Variants in IRF2 observed in about 807,000 individuals in gnomAD.
The protein encoded by IRF2 is interferon regulatory factor 2.
Under a neutral mutation model 40.6 loss-of-function variants are expected in IRF2, and 15 were observed. That is an observed-to-expected ratio of 0.37 (90% CI 0.25 to 0.57). IRF2 has a LOEUF of 0.57. Ranked by LOEUF, IRF2 falls within the 20% of genes least tolerant of loss-of-function variation. The pLI, the probability that IRF2 is intolerant of heterozygous loss-of-function variation, is 0.77. For missense variants in IRF2, 317 were observed against 455.7 expected, an observed-to-expected ratio of 0.70 and a Z score of 2.77; for synonymous variants, 151 against 165.5, an observed-to-expected ratio of 0.91 and a Z score of 0.67.
At chr4:184,401,359 C>T (rs1277709053) in intron 6 of IRF2, among the ~76,000 whole-genome samples, 1 of 152,036 alleles carries the variant, frequency 6.6e-6, no homozygotes, top group Non-Finnish European at 1.5e-5. Flanking sequence ...AAAGGAAAGG[C>T]ACAAAAGAGG....
At chr4:184,407,941 C>T (rs1275991607) in intron 6 of IRF2, among the ~76,000 whole-genome samples, 2 of 151,558 alleles carry the variant, frequency 1.3e-5, no homozygotes, top group East Asian at 3.9e-4. Flanking sequence ...GTCACCCCAG[C>T]CTTCTTCCAC....
intron 1 of IRF2, among the ~76,000 whole-genome samples, chr4:184,440,089 G>T (rs367768872): frequency 6.6e-6 from 1 of 152,194 alleles, no homozygotes; most frequent in Non-Finnish European, 1.5e-5. Context: ...GCAAGAACAC[G>T]AATGGGAAAG....
intron 1 of IRF2, among the ~76,000 whole-genome samples, chr4:184,442,774 C>A (rs1285691352): frequency 2.0e-5 from 3 of 151,488 alleles, no homozygotes; most frequent in African/African-American, 4.9e-5. Context: ...GTACAAAAAC[C>A]CTGTGCCCCA....
intron 1 of IRF2, among the ~76,000 whole-genome samples, chr4:184,458,685 A>G (rs1345832478): frequency 1.3e-5 from 2 of 152,216 alleles, no homozygotes; most frequent in Admixed American, 1.3e-4. Flanking sequence ...TCTTCCAATT[A>G]TTTACAACTC....
At chr4:184,467,975 A>C (rs1382550155) in intron 1 of IRF2, among the ~76,000 whole-genome samples, 1 of 152,202 alleles carries the variant, frequency 6.6e-6, no homozygotes, top group African/African-American at 2.4e-5. Context: ...AAATACTTAG[A>C]ATCCATCATC....
chr4:184,452,546 C>G (rs1173647541), intron 1 of IRF2, among the ~76,000 whole-genome samples: 1 of 152,106 alleles, frequency 6.6e-6, no homozygotes, highest in Non-Finnish European at 1.5e-5. Flanking sequence ...TATCATTTAG[C>G]TGTGACTTTG....
intron 7 of IRF2, among the ~76,000 whole-genome samples, chr4:184,395,954 T>A (rs537268713): frequency 6.6e-6 from 1 of 152,304 alleles, no homozygotes; most frequent in South Asian, 2.1e-4. Flanking sequence ...GAAGAGGTCT[T>A]TCCAGAATCC....
intron 2 of IRF2, among the ~76,000 whole-genome samples, chr4:184,420,336 TC>T (rs1017847144): frequency 2.0e-5 from 3 of 152,180 alleles, no homozygotes; most frequent in African/African-American, 7.2e-5. Context: ...TAAAGAAAAG[TC>T]GGGTACATCT....
At chr4:184,468,436 G>C (rs936244531) in intron 1 of IRF2, among the ~76,000 whole-genome samples, 1 of 151,460 alleles carries the variant, frequency 6.6e-6, no homozygotes, top group Admixed American at 6.6e-5. Context: ...GCAGTGAGCC[G>C]AGATCACACC....
intron 1 of IRF2, among the ~76,000 whole-genome samples, chr4:184,436,541 T>C (rs1457403428): frequency 2.0e-5 from 3 of 152,146 alleles, no homozygotes; most frequent in Non-Finnish European, 4.4e-5. Flanking sequence ...CTAAGTTAGG[T>C]AGTTCATAAG....
At chr4:184,414,777 T>C (rs1167105864) in intron 5 of IRF2, among the ~76,000 whole-genome samples, 1 of 152,224 alleles carries the variant, frequency 6.6e-6, no homozygotes, top group African/African-American at 2.4e-5. Flanking sequence ...GTTGTAAACA[T>C]TGTTTGCTAA....
At chr4:184,389,987 G>A (rs1736197262) in intron 8 of IRF2, among the ~76,000 whole-genome samples, 1 of 152,228 alleles carries the variant, frequency 6.6e-6, no homozygotes, top group African/African-American at 2.4e-5. Flanking sequence ...AGGCCAGGGT[G>A]TATGGGAGCG....
chr4:184,427,013 A>C (rs985561038), intron 2 of IRF2, among the ~76,000 whole-genome samples: 3 of 152,248 alleles, frequency 2.0e-5, no homozygotes, highest in Admixed American at 6.5e-5. Flanking sequence ...CCTGGCACAC[A>C]GTAAGTGCTG....
At chr4:184,441,784 A>G (rs1447430524) in intron 1 of IRF2, among the ~76,000 whole-genome samples, 1 of 152,242 alleles carries the variant, frequency 6.6e-6, no homozygotes, top group Non-Finnish European at 1.5e-5. Flanking sequence ...CCTGATTCAC[A>G]GCATCCCAAG....
intron 1 of IRF2, among the ~76,000 whole-genome samples, chr4:184,462,469 A>C (rs543197615): frequency 6.6e-6 from 1 of 152,332 alleles, no homozygotes; most frequent in South Asian, 2.1e-4. Context: ...GGCAACTGTA[A>C]AATACTATAC....
At chr4:184,423,999 A>G (rs1181066377) in intron 2 of IRF2, among the ~76,000 whole-genome samples, 1 of 152,198 alleles carries the variant, frequency 6.6e-6, no homozygotes, top group African/African-American at 2.4e-5. Flanking sequence ...ATATAAGAAA[A>G]TGCCCTTATG....
intron 1 of IRF2, among the ~76,000 whole-genome samples, chr4:184,460,102 C>T (rs935151711): frequency 2.0e-5 from 3 of 152,198 alleles, no homozygotes; most frequent in African/African-American, 7.2e-5. Context: ...CCAGTATCTA[C>T]CAACAGATGA....
chr4:184,460,773 C>T (rs1261497089), intron 1 of IRF2, among the ~76,000 whole-genome samples: 1 of 152,048 alleles, frequency 6.6e-6, no homozygotes, highest in Admixed American at 6.5e-5. Flanking sequence ...GTTTCCCCTT[C>T]AAGGCAATGT....
rs2149908898 is a variant in IRF2 at position 184,440,557 on chromosome 4, T to G, written c.-6-11487A>C. On this transcript the variant is annotated intron_variant, in intron 1 of 8. Transcript: ENST00000393593. ...CTTGTTTGCTCACACTGCAAACATT[T>G]GTGAGAGGCTGGAGAACCTCGCAGC... is the stretch of plus-strand genomic sequence containing the variant. Among the ~76,000 whole-genome samples, 4 of 152,374 alleles carry G rather than the reference T, an allele frequency of 2.6e-5. No individual in the cohort carries two copies. The South Asian group carries it at 8.3e-4, about 32-fold the overall frequency.
Sources: gnomAD v4.1 joint callset for allele counts (sites outside exome capture counted in the v4.1 genomes callset) on GRCh38, gnomAD v4.1.1 for gene constraint, MANE v1.5 for transcripts, NCBI Gene and HGNC (gene_info 2026-07-23, HGNC 2026-07-21) for gene names.